Variants in LRIT2 observed in about 807,000 individuals in gnomAD.
The protein encoded by LRIT2 is leucine rich repeat, Ig-like and transmembrane domains 2.
LRIT2 carries 23 observed loss-of-function variants against 22.4 expected under a neutral mutation model. That is an observed-to-expected ratio of 1.03 (90% CI 0.74 to 1.45). The LOEUF (loss-of-function observed/expected upper bound fraction) is 1.45, where lower values mean the gene tolerates loss of function less well. LRIT2 is among the 40% of genes most tolerant of loss of function. LRIT2 has a pLI of 0.00. For missense variants in LRIT2, 784 were observed against 665.6 expected (o/e 1.18, Z -1.96); for synonymous variants, 291 against 267.1 (o/e 1.09, Z -0.87).
rs775397555 is a variant in LRIT2, at chr10:84,222,748, G to A, written c.893-68C>T. 2.6e-6 allele frequency: 4 copies of A among 1,567,698 alleles called. No individual in the cohort carries two copies. The African/African-American group carries it at 5.4e-5, about 21-fold the overall frequency. On this transcript the variant is annotated intron_variant, in intron 2 of 2. Transcript: ENST00000372113. ...AGACTGCTGGAAAGTGTCTAGCAAT[G>A]CCAGTTTTGTTTTGTTTTGCTTTGT...
At chr10:84,223,682 G>T in intron 2 of LRIT2, among the ~76,000 whole-genome samples, 1 of 152,112 alleles carries the variant, frequency 6.6e-6, no homozygotes, top group Non-Finnish European at 1.5e-5. Context: ...GCCATCCCCG[G>T]CTTTGTGATA....
rs1391165016 is a variant in LRIT2 at position 84,225,416 on chromosome 10, A to G, written c.105T>C (p.Phe35=). ...LPGCTCSEES[F]GRTLQCTSVS... ...ATCTGGCCAGCAGAGCGCACCTGCC[A>G]AAACTCTCCTCTGAGCAAGTGCATC... The change falls in exon 1 of 3, where the codon TTT becomes TTC. Residue 35 remains phenylalanine, a synonymous_variant. Coordinates refer to ENST00000372113, the MANE Select transcript of LRIT2 (RefSeq NM_001017924.5). 1 of 1,614,078 alleles carries G rather than the reference A, an allele frequency of 6.2e-7. No individual in the cohort carries two copies. Among genetic ancestry groups the G allele is most frequent in the Non-Finnish European group, 8.5e-7 (1 of 1,179,990 alleles).
chr10:84,225,570 G>C (rs1842557280), upstream of LRIT2: 1 of 1,579,798 alleles, frequency 6.3e-7, no homozygotes, highest in Admixed American at 1.8e-5. Flanking sequence ...TATCGCCCCA[G>C]CTTCCGAGTG....
Sources: gnomAD v4.1 joint callset for allele counts (sites outside exome capture counted in the v4.1 genomes callset) on GRCh38, gnomAD v4.1.1 for gene constraint, MANE v1.5 for transcripts, NCBI Gene and HGNC (gene_info 2026-07-23, HGNC 2026-07-21) for gene names.